Variants in ZNF35 observed in about 807,000 individuals in gnomAD.
ZNF35 encodes zinc finger protein 35, also known as zinc finger protein 35 (clone HF.10).
A neutral mutation model predicts 45.9 loss-of-function variants in ZNF35; 31 were observed. The ratio of observed to expected loss-of-function variants is 0.68; its 90% CI spans 0.51 to 0.91. ZNF35 has a LOEUF of 0.91. Among genes scored for constraint, ZNF35 ranks in the 40% least tolerant of loss-of-function variants. ZNF35 has a pLI of 0.00. For missense variants in ZNF35, 515 were observed against 625.4 expected (o/e 0.82, Z 1.88); for synonymous variants, 205 against 220.2 (o/e 0.93, Z 0.61).
chr3:44,656,570 T>C (rs962128389), intron 3 of ZNF35, among the ~76,000 whole-genome samples: 1 of 152,012 alleles, frequency 6.6e-6, no homozygotes, highest in African/African-American at 2.4e-5. Flanking sequence ...TTTTTGTATT[T>C]TTCCTAGAGA....
rs752910681 is a variant in ZNF35, at chr3:44,651,178, A to G, written c.111A>G (p.Gln37=). 6 of 1,614,190 alleles carry G rather than the reference A, an allele frequency of 3.7e-6. No individual in the cohort carries two copies. The highest frequency in any genetic ancestry group is 1.6e-4 in the Middle Eastern group (1 of 6,062). The part of the protein sequence containing the change: ...ENFPGQASSQ[Q]VHSENIKVWA... Reference sequence around the variant, plus strand: ...TCCCAGGTCAGGCATCCAGCCAACAAGTGCACTCCGAGAACATCAAAGTCT... The same window carrying G: ...TCCCAGGTCAGGCATCCAGCCAACAGGTGCACTCCGAGAACATCAAAGTCT... The change falls in exon 2 of 4, where the codon CAA becomes CAG. Residue 37 remains glutamine (Q), a synonymous_variant. Transcript: ENST00000396056.
chr3:44,651,224 C>T lies in ZNF35; in HGVS notation c.157C>T (p.Gln53Ter). ...AGTCTGGGCCCCAGTGCAGGGTCTT[C>T]AGACAGGCCTTGATGGATCAGAAGA... is the stretch of plus-strand genomic sequence containing the variant. ...IKVWAPVQGL[Q>*]TGLDGSEEEE... Residue 53 changes from glutamine (Q) to a stop codon, truncating the protein, a stop_gained, in exon 2 of 4, where the codon CAG becomes TAG. Coordinates refer to ENST00000396056, the MANE Select transcript of ZNF35 (RefSeq NM_003420.4). LOFTEE classifies it high-confidence loss of function. 6.2e-7 allele frequency: 1 copy of T among 1,614,048 alleles called. No homozygotes were observed. The highest frequency in any genetic ancestry group is 1.1e-5 in the South Asian group (1 of 91,058).
At chr3:44,650,546 C>G (rs1703182623) in intron 1 of ZNF35, among the ~76,000 whole-genome samples, 1 of 152,050 alleles carries the variant, frequency 6.6e-6, no homozygotes, top group African/African-American at 2.4e-5. Flanking sequence ...TTTGTAAAAT[C>G]ATAATTATTA....
At position 44,660,073 on chromosome 3, in the gene ZNF35, C is replaced by A; in HGVS notation, c.*126C>A. On this transcript the variant is annotated 3_prime_UTR_variant, in exon 4 of 4. Coordinates refer to ENST00000396056, the MANE Select transcript of ZNF35 (RefSeq NM_003420.4). ...CTGTGTCCTTAAAAGTTATAGTTTT[C>A]AGGAATGCAGCAGAAGACACAAGAA... The A allele has an allele frequency of 2.0e-6, 2 of 1,017,088 alleles. No homozygotes were observed. Among genetic ancestry groups the A allele is most frequent in the Non-Finnish European group, 2.7e-6 (2 of 736,368 alleles). The allele number at this position is 1,017,088 out of a possible 1,614,324, so 63.0% of individuals were successfully genotyped here.
Position 44,660,027 on chromosome 3 carries a change from C to T in ZNF35, c.*80C>T. 1 of 1,414,816 alleles carries T rather than the reference C, an allele frequency of 7.1e-7. No homozygotes were observed. Among genetic ancestry groups the T allele is most frequent in the East Asian group, 2.3e-5 (1 of 43,040 alleles). 87.6% of individuals were successfully genotyped at this position (1,414,816 alleles called of 1,614,324 possible). ...TGAGACACCTCTTTGCTGTTTTCTT[C>T]CTCCTCTATAAAAGTGAGGGCTGTG... On this transcript the variant is annotated 3_prime_UTR_variant, in exon 4 of 4. Coordinates refer to ENST00000396056, the MANE Select transcript of ZNF35 (RefSeq NM_003420.4).
At chr3:44,647,188 A>G (rs1379184425), upstream of ZNF35, 1 of 152,236 alleles carries the variant, frequency 6.6e-6, no homozygotes, top group Non-Finnish European at 1.5e-5. Context: ...TCACTGAAGT[A>G]TAGATAGCAA....
chr3:44,651,811 C>T (rs944623590), intron 2 of ZNF35, among the ~76,000 whole-genome samples: 2 of 140,274 alleles, frequency 1.4e-5, no homozygotes, highest in East Asian at 2.1e-4. Context: ...CTAGCCTGGG[C>T]AATAGAGTGA....
chr3:44,648,004 G>C (rs1347117607), upstream of ZNF35: 2 of 152,124 alleles, frequency 1.3e-5, no homozygotes, highest in Non-Finnish European at 1.5e-5. Flanking sequence ...AGTGGGTGAA[G>C]GGTGCTATCT....
chr3:44,656,648 C>T (rs1172357943), intron 3 of ZNF35, among the ~76,000 whole-genome samples: 1 of 150,716 alleles, frequency 6.6e-6, no homozygotes, highest in African/African-American at 2.4e-5. Flanking sequence ...CCGTTTCAGC[C>T]TCCCAAAGTG....
Position 44,659,797 on chromosome 3 carries a change from G to A in ZNF35, c.1434G>A (p.Glu478=). ...HNGEKPYTCN[E]CGKAFRQRSS... ...GAGAAAAACCTTACACATGTAATGA[G>A]TGTGGGAAGGCCTTCAGACAGAGGT... The change falls in exon 4 of 4, where the codon GAG becomes GAA. Residue 478 remains glutamate (E), a synonymous_variant. Coordinates refer to ENST00000396056, the MANE Select transcript of ZNF35 (RefSeq NM_003420.4). The surrounding 1 kb of genome is among the most constrained non-coding windows in gnomAD (Gnocchi z 4.3). 6.2e-7 allele frequency: 1 copy of A among 1,612,672 alleles called. No individual in the cohort carries two copies. Among genetic ancestry groups the A allele is most frequent in the Middle Eastern group, 1.7e-4 (1 of 6,052 alleles).
intron 3 of ZNF35, among the ~76,000 whole-genome samples, chr3:44,655,023 A>T (rs1453786965): frequency 6.6e-6 from 1 of 152,148 alleles, no homozygotes; most frequent in Non-Finnish European, 1.5e-5. Context: ...AGTCCCAGCT[A>T]CTTGGGAAGC....
chr3:44,658,797 C>T lies in ZNF35; in HGVS notation c.434C>T (p.Ala145Val), dbSNP rs1481202778. 5.0e-6 allele frequency: 8 copies of T among 1,612,092 alleles called. No homozygotes were observed. Among genetic ancestry groups the T allele is most frequent in the Middle Eastern group, 3.3e-4 (2 of 6,054 alleles). Residue 145 changes from alanine (A) to valine (V), a missense_variant, in exon 4 of 4, where the codon GCT (alanine) becomes GTT (valine). Ala to Val is a moderately conservative substitution (Grantham distance 64, BLOSUM62 0). Coordinates refer to ENST00000396056, the MANE Select transcript of ZNF35 (RefSeq NM_003420.4). ...ATCATATCAGAAAGAATCCAGAAAG[C>T]TGATCCTCAAGGACCTGAGTTAGGA... Reference protein sequence around the residue: ...PLIISERIQKADPQGPELGEA... With the variant: ...PLIISERIQKVDPQGPELGEA...
At chr3:44,658,035 G>A (rs907231986) in intron 3 of ZNF35, among the ~76,000 whole-genome samples, 3 of 152,304 alleles carry the variant, frequency 2.0e-5, no homozygotes, top group Non-Finnish European at 4.4e-5. Context: ...AAGTCATGGA[G>A]CTAGTTAGTG....
chr3:44,655,722 C>T (rs894838004), intron 3 of ZNF35, among the ~76,000 whole-genome samples: 2 of 152,230 alleles, frequency 1.3e-5, no homozygotes, highest in Non-Finnish European at 2.9e-5. Context: ...CCAGGTCTTA[C>T]TTTACTCAGT....
chr3:44,660,704 A>G lies in ZNF35; in HGVS notation c.*757A>G, dbSNP rs1247396417. 6.6e-6 allele frequency: 1 copy of G among 152,196 alleles called. No homozygotes were observed. The allele number at this position is 152,196 out of a possible 1,614,324, so 9.4% of individuals were successfully genotyped here. On this transcript the variant is annotated 3_prime_UTR_variant, in exon 4 of 4. Transcript: ENST00000396056. ...CAAACAACTCAAGCCCCCAATTCCCATCGCATTCCATTTGGGTGAGATGCA... is the reference window on the plus strand; with the variant it reads ...CAAACAACTCAAGCCCCCAATTCCCGTCGCATTCCATTTGGGTGAGATGCA...
chr3:44,651,464 T>G (rs997359218), intron 2 of ZNF35, among the ~76,000 whole-genome samples: 35 of 152,268 alleles, frequency 2.3e-4, no homozygotes, highest in African/African-American at 7.9e-4. Flanking sequence ...GGTTCTCAAA[T>G]TTTGCTACAC....
rs763607741 is a variant in ZNF35 at position 44,651,136 on chromosome 3, G to GGAA, written c.79_81dup (p.Glu27dup). 1 of 1,613,808 alleles carries GGAA rather than the reference G, an allele frequency of 6.2e-7. No individual in the cohort carries two copies. Among genetic ancestry groups the GGAA allele is most frequent in the African/African-American group, 1.3e-5 (1 of 74,906 alleles). Reference sequence around the variant, plus strand: ...GCCCAGTGAAGGTGAAAAAGGAGGAGGAAGAAGAAGAAAACTTCCCAGGTC... The same window carrying GGAA: ...GCCCAGTGAAGGTGAAAAAGGAGGAGGAAGAAGAAGAAGAAAACTTCCCAGGTC... On this transcript the variant is annotated inframe_insertion, in exon 2 of 4. Coordinates refer to ENST00000396056, the MANE Select transcript of ZNF35 (RefSeq NM_003420.4).
In ZNF35 at chr3:44,651,216, A is replaced by G. The variant is rs775038414; in HGVS notation, c.149A>G (p.Gln50Arg). 9.9e-6 allele frequency: 16 copies of G among 1,614,146 alleles called. No individual in the cohort carries two copies. The South Asian group carries it at 1.6e-4, about 17-fold the overall frequency. Residue 50 changes from glutamine (Q) to arginine (R), a missense_variant, in exon 2 of 4, where the codon CAG becomes CGG. Physicochemically the swap from Gln to Arg is conservative, Grantham distance 43. This residue lies in a region of ZNF35 where 275 missense variants were observed against 295.7 expected (regional missense o/e 0.93). Coordinates refer to ENST00000396056, the MANE Select transcript of ZNF35 (RefSeq NM_003420.4). ...AACATCAAAGTCTGGGCCCCAGTGC[A>G]GGGTCTTCAGACAGGCCTTGATGGA... ...SENIKVWAPV[Q>R]GLQTGLDGSE...
intron 2 of ZNF35, 136 bp from the exon 3 acceptor site, chr3:44,652,421 T>A: frequency 2.1e-6 from 2 of 936,382 alleles, no homozygotes; most frequent in Non-Finnish European, 3.1e-6. Flanking sequence ...TGGAGGAGAC[T>A]CTGGCTTCCT....
Sources: gnomAD v4.1 joint callset for allele counts (sites outside exome capture counted in the v4.1 genomes callset) on GRCh38, gnomAD v4.1.1 for gene constraint, gnomAD v4.1.1 regional missense constraint, Gnocchi (gnomAD v3.1) non-coding constraint, MANE v1.5 for transcripts, NCBI Gene and HGNC (gene_info 2026-07-23, HGNC 2026-07-21) for gene names.